Variants in USP53 observed in about 807,000 individuals in gnomAD.
USP53 encodes the protein ubiquitin carboxyl-terminal hydrolase 53.
USP53 carries 71 observed loss-of-function variants against 94.9 expected under a neutral mutation model. The ratio of observed to expected loss-of-function variants is 0.75; its 90% CI spans 0.62 to 0.91. The LOEUF (loss-of-function observed/expected upper bound fraction) is 0.91. Among genes scored for constraint, USP53 ranks in the 40% least tolerant of loss-of-function variants. The pLI is 0.00. For synonymous variants in USP53, 375 were observed against 422.7 expected (o/e 0.89, Z 1.39); for missense variants, 1,173 against 1,281.0 (o/e 0.92, Z 1.29).
intron 2 of USP53, among the ~76,000 whole-genome samples, chr4:119,215,438 A>G (rs972427613): frequency 3.9e-5 from 6 of 152,158 alleles, no homozygotes; most frequent in Non-Finnish European, 7.4e-5. Context: ...TAATAATAAG[A>G]ATACCATAGA....
intron 3 of USP53, among the ~76,000 whole-genome samples, chr4:119,230,742 A>G (rs1222288434): frequency 6.6e-6 from 1 of 152,176 alleles, no homozygotes; most frequent in Non-Finnish European, 1.5e-5. Context: ...AGAGGGCAGC[A>G]CACCTCCTAT....
Position 119,293,380 on chromosome 4 carries a change from G to T in USP53, c.*169G>T. On this transcript the variant is annotated 3_prime_UTR_variant, in exon 19 of 19. Coordinates refer to ENST00000692078, the MANE Select transcript of USP53 (RefSeq NM_001371395.1). ...TAGGAACCTACTGACCAAACCTAGT[G>T]ATACATAAAATTAAAGCCTGTGGCA... 1.4e-6 allele frequency: 1 copy of T among 710,708 alleles called. No individual in the cohort carries two copies. The highest frequency in any genetic ancestry group is 2.2e-6 in the Non-Finnish European group (1 of 456,390). 44.0% of individuals were successfully genotyped at this position (710,708 alleles called of 1,614,324 possible). A position where few individuals can be genotyped will look rare whatever the true frequency, so the allele number is the denominator to read the frequency against.
At chr4:119,252,907 G>A (rs1310909869) in intron 7 of USP53, among the ~76,000 whole-genome samples, 1 of 152,096 alleles carries the variant, frequency 6.6e-6, no homozygotes, top group Non-Finnish European at 1.5e-5. Context: ...TGCCTTAAAT[G>A]TGTCCCAGAG....
chr4:119,289,302 C>T (rs1450453998), intron 17 of USP53, among the ~76,000 whole-genome samples: 1 of 152,150 alleles, frequency 6.6e-6, no homozygotes. Context: ...ATGAAGAATA[C>T]AATTAGTACA....
chr4:119,273,501 T>G (rs1364912391), intron 16 of USP53, 131 bp from the exon 17 acceptor site: 4 of 570,834 alleles, frequency 7.0e-6, no homozygotes, highest in Non-Finnish European at 1.2e-5. Context: ...TTTTAAGTAT[T>G]AAATAATGTA....
At chr4:119,235,982 C>T (rs1212709241) in intron 4 of USP53, among the ~76,000 whole-genome samples, 1 of 152,176 alleles carries the variant, frequency 6.6e-6, no homozygotes, top group Non-Finnish European at 1.5e-5. Context: ...GTATTGTCTG[C>T]CTTTCGTCAT....
intron 4 of USP53, among the ~76,000 whole-genome samples, chr4:119,238,558 A>T (rs1482653644): frequency 6.6e-6 from 1 of 152,230 alleles, no homozygotes; most frequent in Non-Finnish European, 1.5e-5. Flanking sequence ...TGTGACATAG[A>T]CATGAAGTGG....
At chr4:119,251,312 C>T (rs1047681684) in intron 7 of USP53, among the ~76,000 whole-genome samples, 6 of 152,130 alleles carry the variant, frequency 3.9e-5, no homozygotes, top group African/African-American at 1.4e-4. Context: ...CATCGATGAA[C>T]ATTTGGGTTG....
At chr4:119,240,419 A>G (rs1203195709) in intron 5 of USP53, among the ~76,000 whole-genome samples, 1 of 152,072 alleles carries the variant, frequency 6.6e-6, no homozygotes, top group Non-Finnish European at 1.5e-5. Context: ...TTTTGCCTCA[A>G]TCCTTGTTGA....
At chr4:119,217,200 T>C (rs1426331768) in intron 2 of USP53, among the ~76,000 whole-genome samples, 1 of 152,182 alleles carries the variant, frequency 6.6e-6, no homozygotes, top group African/African-American at 2.4e-5. Context: ...GCCCATCAGA[T>C]ACCTCATTCT....
At chr4:119,275,949 G>T (rs989580837) in intron 17 of USP53, among the ~76,000 whole-genome samples, 2 of 148,158 alleles carry the variant, frequency 1.3e-5, no homozygotes, top group Non-Finnish European at 3.0e-5. Context: ...CATTGATTTT[G>T]TATCCTGAGA....
chr4:119,282,866 A>G (rs1753660502), intron 17 of USP53, among the ~76,000 whole-genome samples: 1 of 152,042 alleles, frequency 6.6e-6, no homozygotes, highest in African/African-American at 2.4e-5. Context: ...ACTGACCTAT[A>G]GAATCATTTT....
intron 12 of USP53, among the ~76,000 whole-genome samples, chr4:119,262,628 C>T (rs1312680552): frequency 1.3e-5 from 2 of 152,288 alleles, no homozygotes; most frequent in Non-Finnish European, 1.5e-5. Context: ...GCTGTCTTCA[C>T]GCTGAGTAGA....
chr4:119,241,449 A>G (rs1429733316), intron 5 of USP53, among the ~76,000 whole-genome samples: 3 of 152,046 alleles, frequency 2.0e-5, no homozygotes, highest in Non-Finnish European at 2.9e-5. Context: ...TCTGAAAAAG[A>G]TCTGTATTTC....
chr4:119,257,772 C>G (rs1749968628), intron 9 of USP53, among the ~76,000 whole-genome samples: 1 of 152,162 alleles, frequency 6.6e-6, no homozygotes, highest in Admixed American at 6.5e-5. Context: ...TTTAGAGAAA[C>G]ATTCCTAAAC....
chr4:119,283,868 C>T (rs1753789486), intron 17 of USP53, among the ~76,000 whole-genome samples: 1 of 151,806 alleles, frequency 6.6e-6, no homozygotes, highest in Admixed American at 6.6e-5. Context: ...TATTTAATAA[C>T]CATCCACCTA....
rs190684677 is a variant in USP53, at chr4:119,260,068, A to T, written c.675+143A>T. The T allele has an allele frequency of 9.6e-6, 5 of 521,714 alleles. No individual in the cohort carries two copies. The Admixed American group carries it at 1.6e-4, about 16-fold the overall frequency. The allele number at this position is 521,714 out of a possible 1,614,324, so 32.3% of individuals were successfully genotyped here. ...AAAAAATATTATTTTAGATTATACC[A>T]TGTGTATCATTTATCTTAGCATAAA... is the stretch of plus-strand genomic sequence containing the variant. On this transcript the variant is annotated intron_variant, in intron 10 of 18. Transcript: ENST00000692078.
chr4:119,259,823 T>C lies in USP53; in HGVS notation c.573T>C (p.Asn191=), dbSNP rs1750268184. ...VRYISTTALC[N]EVERMLERHE... ...GGGATTGCTTCTTTTTTTGTAGCAATGAGGTTGAAAGAATGTTGGAAAGGC... is the reference window on the plus strand; with the variant it reads ...GGGATTGCTTCTTTTTTTGTAGCAACGAGGTTGAAAGAATGTTGGAAAGGC... The change falls in exon 10 of 19, where the codon AAT becomes AAC. Residue 191 remains asparagine, a synonymous_variant. Coordinates refer to ENST00000692078, the MANE Select transcript of USP53 (RefSeq NM_001371395.1). The C allele has an allele frequency of 6.2e-7, 1 of 1,606,330 alleles. No individual in the cohort carries two copies. The highest frequency in any genetic ancestry group is 1.3e-5 in the African/African-American group (1 of 74,664).
intron 3 of USP53, among the ~76,000 whole-genome samples, chr4:119,223,980 CT>C (rs1201863092): frequency 6.6e-6 from 1 of 151,958 alleles, no homozygotes; most frequent in Admixed American, 6.6e-5. Context: ...ACCTGAATTT[CT>C]TTTTAAATAT....
Sources: gnomAD v4.1 joint callset for allele counts (sites outside exome capture counted in the v4.1 genomes callset) on GRCh38, gnomAD v4.1.1 for gene constraint, MANE v1.5 for transcripts, NCBI Gene and HGNC (gene_info 2026-07-23, HGNC 2026-07-21) for gene names.